Variants in TTC28 observed in about 807,000 individuals in gnomAD.
TTC28 encodes the protein tetratricopeptide repeat domain 28.
Under a neutral mutation model 198.0 loss-of-function variants are expected in TTC28, and 61 were observed. The observed-to-expected ratio is 0.31, with a 90% CI of 0.25 to 0.38. TTC28 has a LOEUF of 0.38. Ranked by LOEUF, TTC28 falls within the 10% of genes least tolerant of loss-of-function variation. TTC28 has a pLI of 1.00. For synonymous variants in TTC28, 1,171 were observed against 1,297.8 expected (o/e 0.90, Z 2.10); for missense variants, 2,678 against 3,164.0 (o/e 0.85, Z 3.69).
intron 1 of TTC28, among the ~76,000 whole-genome samples, chr22:28,633,280 C>CAAA (rs371317485): frequency 3.6e-5 from 4 of 110,758 alleles, no homozygotes; most frequent in Admixed American, 9.8e-5. Flanking sequence ...GACTCTGTCT[C>CAAA]AAAAAAAAAA....
chr22:28,009,750 T>A (rs550140274), intron 14 of TTC28, among the ~76,000 whole-genome samples: 19 of 152,336 alleles, frequency 1.2e-4, no homozygotes, highest in African/African-American at 3.8e-4. Flanking sequence ...TGGCCCAGAT[T>A]TTCACCTGTC....
At chr22:28,068,473 A>T (rs1940844671) in intron 12 of TTC28, among the ~76,000 whole-genome samples, 1 of 152,228 alleles carries the variant, frequency 6.6e-6, no homozygotes, top group African/African-American at 2.4e-5. Context: ...CTGATACTTC[A>T]TTCCATTCTG....
At position 28,399,184 on chromosome 22, in the gene TTC28, G is replaced by C. The variant is rs551893140; in HGVS notation, c.382-92541C>G. Among the ~76,000 whole-genome samples the C allele has an allele frequency of 2.0e-5, 3 of 152,020 alleles. No homozygotes were observed. The East Asian group carries it at 5.8e-4, about 29-fold the overall frequency. Reference sequence around the variant, plus strand: ...TGAAATTTCTTAACTTCTGGGGATTGCTGCCAAACTCTTAATACCATGAAC... The same window carrying C: ...TGAAATTTCTTAACTTCTGGGGATTCCTGCCAAACTCTTAATACCATGAAC... On this transcript the variant is annotated intron_variant, in intron 2 of 22. Transcript: ENST00000397906.
At chr22:28,414,401 T>C (rs1380769368) in intron 2 of TTC28, among the ~76,000 whole-genome samples, 1 of 152,182 alleles carries the variant, frequency 6.6e-6, no homozygotes, top group Non-Finnish European at 1.5e-5. Flanking sequence ...GCCCAGTGTG[T>C]CATGTTCTAG....
intron 2 of TTC28, among the ~76,000 whole-genome samples, chr22:28,595,391 T>G (rs949277151): frequency 6.6e-6 from 1 of 152,208 alleles, no homozygotes; most frequent in Non-Finnish European, 1.5e-5. Flanking sequence ...CATTAACTCA[T>G]CTCTAATACC....
chr22:28,645,173 G>A (rs949351584), intron 1 of TTC28, among the ~76,000 whole-genome samples: 17 of 151,856 alleles, frequency 1.1e-4, no homozygotes, highest in Non-Finnish European at 2.4e-4. Context: ...TTCGTGCTGG[G>A]CAACAAGGGT....
chr22:28,637,224 A>T (rs1467134882), intron 1 of TTC28, among the ~76,000 whole-genome samples: 2 of 152,008 alleles, frequency 1.3e-5, no homozygotes, highest in Admixed American at 6.6e-5. Context: ...GTTAGCCACG[A>T]GGGTCTCGAT....
intron 15 of TTC28, 132 bp downstream of exon 15, chr22:28,001,242 C>T (rs1888780738): frequency 1.6e-6 from 2 of 1,213,248 alleles, no homozygotes; most frequent in South Asian, 1.6e-5. Context: ...TACCTGCGTG[C>T]AAATCATAAA....
chr22:28,232,992 C>T (rs988271589), intron 5 of TTC28, among the ~76,000 whole-genome samples: 26 of 151,928 alleles, frequency 1.7e-4, no homozygotes, highest in African/African-American at 6.1e-4. Context: ...ATCCCAGCTA[C>T]TCGGGAGGCT....
At chr22:28,319,520 AATAAT>A (rs1368174796) in intron 2 of TTC28, among the ~76,000 whole-genome samples, 1 of 152,156 alleles carries the variant, frequency 6.6e-6, no homozygotes, top group Non-Finnish European at 1.5e-5. Context: ...GATTATAACA[AATAAT>A]ATAACACTGT....
intron 2 of TTC28, among the ~76,000 whole-genome samples, chr22:28,437,385 T>TA (rs1238067856): frequency 6.6e-6 from 1 of 152,162 alleles, no homozygotes; most frequent in Non-Finnish European, 1.5e-5. Flanking sequence ...ACCCAGCTCT[T>TA]ATTCTTTTAG....
At chr22:28,003,478 GCCAGCC>G (rs557898098) in intron 14 of TTC28, among the ~76,000 whole-genome samples, 2 of 152,126 alleles carry the variant, frequency 1.3e-5, no homozygotes, top group African/African-American at 4.8e-5. Flanking sequence ...GTGACAAGAT[GCCAGCC>G]CCAGCCCCAG....
At chr22:28,035,130 C>T (rs1455273827) in intron 12 of TTC28, among the ~76,000 whole-genome samples, 2 of 152,224 alleles carry the variant, frequency 1.3e-5, no homozygotes, top group African/African-American at 4.8e-5. Context: ...CTCCACAAGG[C>T]ACACTTTTAT....
intron 6 of TTC28, among the ~76,000 whole-genome samples, chr22:28,126,456 C>G (rs1417691046): frequency 6.6e-6 from 1 of 152,196 alleles, no homozygotes; most frequent in African/African-American, 2.4e-5. Flanking sequence ...CAGAGTGACT[C>G]TAGTCTAAGT....
At chr22:28,555,590 G>A (rs944873877) in intron 2 of TTC28, among the ~76,000 whole-genome samples, 1 of 152,194 alleles carries the variant, frequency 6.6e-6, no homozygotes, top group Non-Finnish European at 1.5e-5. Flanking sequence ...AAGTAACTCA[G>A]GAATGGAAAA....
In TTC28 at chr22:27,989,999, C is replaced by T. The variant is rs1419612361; in HGVS notation, c.5586G>A (p.Gln1862=). ...CGCCAGCCTGGAGCTGAACCAGCAC[C>T]TGGTGGAGCTGAGGAAGGGGGGACA... ...AVKNMVGMLH[Q]VLVQLQAGEK... is the part of the protein sequence containing the mutation. Residue 1862 remains glutamine, a synonymous_variant, in exon 21 of 23, where the codon CAG becomes CAA. Coordinates refer to ENST00000397906, the MANE Select transcript of TTC28 (RefSeq NM_001145418.2). 1 of 1,550,544 alleles carries T rather than the reference C, an allele frequency of 6.4e-7. No homozygotes were observed. Among genetic ancestry groups the T allele is most frequent in the East Asian group, 2.4e-5 (1 of 40,920 alleles).
intron 6 of TTC28, among the ~76,000 whole-genome samples, chr22:28,117,003 T>C (rs183147351): frequency 5.9e-5 from 9 of 152,374 alleles, no homozygotes; most frequent in Admixed American, 5.9e-4. Context: ...TGCTCCCTGC[T>C]ATCTGGATCT....
chr22:28,388,773 C>T (rs888074801), intron 2 of TTC28, among the ~76,000 whole-genome samples: 1 of 152,230 alleles, frequency 6.6e-6, no homozygotes, highest in African/African-American at 2.4e-5. Context: ...GATATACAAT[C>T]ATGTCATCTG....
At chr22:28,374,063 G>C (rs2046375298) in intron 2 of TTC28, among the ~76,000 whole-genome samples, 1 of 152,112 alleles carries the variant, frequency 6.6e-6, no homozygotes, top group African/African-American at 2.4e-5. Context: ...ATCTACTAGA[G>C]GAATTGCTAT....
Sources: gnomAD v4.1 joint callset for allele counts (sites outside exome capture counted in the v4.1 genomes callset) on GRCh38, gnomAD v4.1.1 for gene constraint, MANE v1.5 for transcripts, NCBI Gene and HGNC (gene_info 2026-07-23, HGNC 2026-07-21) for gene names.